The following CDKAL1 variants were observed in gnomAD, a reference collection of about 807,000 sequenced individuals.
CDKAL1 encodes CDKAL1 threonylcarbamoyladenosine tRNA methylthiotransferase, also known as threonylcarbamoyladenosine tRNA methylthiotransferase.
In CDKAL1, 32 loss-of-function variants were observed where a neutral mutation model predicts 68.2. That is an observed-to-expected ratio of 0.47 (90% CI 0.35 to 0.63). The LOEUF is 0.63. Among genes scored for constraint, CDKAL1 ranks in the 30% least tolerant of loss-of-function variants. The probability of loss-of-function intolerance (pLI) is 0.00; values close to 1 mark genes in which losing one functional copy is unlikely to be tolerated. For missense variants in CDKAL1, 606 were observed against 696.7 expected (o/e 0.87, Z 1.47); for synonymous variants, 234 against 244.3 (o/e 0.96, Z 0.39).
intron 10 of CDKAL1, among the ~76,000 whole-genome samples, chr6:20,962,184 C>A (rs1325938939): frequency 6.6e-6 from 1 of 152,186 alleles, no homozygotes; most frequent in Non-Finnish European, 1.5e-5. Context: ...AACATTGACA[C>A]TAACATTCAC....
intron 6 of CDKAL1, chr6:20,756,084 TC>T (rs1774157692): frequency 6.6e-6 from 1 of 152,216 alleles, no homozygotes; most frequent in South Asian, 2.1e-4. Flanking sequence ...CTTTTCTCAC[TC>T]TGACTTGTTC....
intron 5 of CDKAL1, among the ~76,000 whole-genome samples, chr6:20,721,244 G>A (rs913838714): frequency 1.3e-5 from 2 of 152,036 alleles, no homozygotes; most frequent in Admixed American, 6.6e-5. Context: ...AGTTTGCTAA[G>A]AATGATGGTT....
intron 11 of CDKAL1, among the ~76,000 whole-genome samples, chr6:21,028,052 G>T (rs1167962499): frequency 6.6e-6 from 1 of 152,134 alleles, no homozygotes; most frequent in Non-Finnish European, 1.5e-5. Context: ...AACAAGGCAG[G>T]TGGGCCTAGG....
chr6:20,616,823 C>T (rs914544254), intron 4 of CDKAL1, among the ~76,000 whole-genome samples: 6 of 132,080 alleles, frequency 4.5e-5, no homozygotes, highest in African/African-American at 1.7e-4. Flanking sequence ...GACAGCATGG[C>T]GAAACCCCGA....
chr6:20,654,457 G>A (rs1768932469), intron 5 of CDKAL1, among the ~76,000 whole-genome samples: 1 of 151,648 alleles, frequency 6.6e-6, no homozygotes, highest in African/African-American at 2.4e-5. Context: ...ATAAATTCTG[G>A]TTTAAAGTTT....
At chr6:21,090,745 A>T (rs1215714009) in intron 12 of CDKAL1, among the ~76,000 whole-genome samples, 1 of 151,874 alleles carries the variant, frequency 6.6e-6, no homozygotes, top group Non-Finnish European at 1.5e-5. Flanking sequence ...CATGAATGTC[A>T]TATGTGTATG....
chr6:20,669,508 C>T (rs1171678276), intron 5 of CDKAL1, among the ~76,000 whole-genome samples: 6 of 151,974 alleles, frequency 3.9e-5, no homozygotes, highest in African/African-American at 1.5e-4. Context: ...TTGTTGTTGT[C>T]GTTTGTTTTC....
chr6:20,538,551 C>G (rs1302180037), intron 2 of CDKAL1, among the ~76,000 whole-genome samples: 1 of 152,140 alleles, frequency 6.6e-6, no homozygotes, highest in Admixed American at 6.5e-5. Flanking sequence ...CCTTTCATTC[C>G]TCTTTTTCCT....
chr6:21,111,343 G>C (rs1277193502), intron 13 of CDKAL1, among the ~76,000 whole-genome samples: 1 of 152,104 alleles, frequency 6.6e-6, no homozygotes, highest in African/African-American at 2.4e-5. Context: ...ATTTCCTTCG[G>C]GTTTCATCCC....
chr6:21,102,358 C>G (rs1474737913), intron 12 of CDKAL1, among the ~76,000 whole-genome samples: 1 of 152,156 alleles, frequency 6.6e-6, no homozygotes, highest in Non-Finnish European at 1.5e-5. Flanking sequence ...GAACCCACCC[C>G]CGCAGGAAGT....
In CDKAL1 at chr6:20,979,154, C is replaced by T. The variant is rs539603668; in HGVS notation, c.910-21073C>T. Among the ~76,000 whole-genome samples, 16 of 152,208 alleles carry T rather than the reference C, an allele frequency of 1.1e-4. No homozygotes were observed. In the East Asian group the frequency reaches 2.5e-3, roughly 24 times the overall value. ...GTTGAGGTTTCCCTAGCGGCATATA[C>T]CAGGTCATTGAAAAAGTCAAAATGA... On this transcript the variant is annotated intron_variant, in intron 10 of 15. Transcript: ENST00000274695.
At chr6:20,962,777 T>C (rs936770322) in intron 10 of CDKAL1, among the ~76,000 whole-genome samples, 1 of 152,224 alleles carries the variant, frequency 6.6e-6, no homozygotes, top group Non-Finnish European at 1.5e-5. Context: ...AAAGACATGC[T>C]AGATTACTTA....
At chr6:20,882,949 C>T (rs1386673292) in intron 9 of CDKAL1, among the ~76,000 whole-genome samples, 1 of 152,080 alleles carries the variant, frequency 6.6e-6, no homozygotes, top group Non-Finnish European at 1.5e-5. Flanking sequence ...TTTTGATTTA[C>T]ATTTCATACT....
intron 8 of CDKAL1, among the ~76,000 whole-genome samples, chr6:20,816,704 A>G (rs891618204): frequency 6.6e-6 from 1 of 152,138 alleles, no homozygotes; most frequent in African/African-American, 2.4e-5. Flanking sequence ...TAAGAAAAAA[A>G]AAATAGTGGC....
chr6:20,552,250 G>A (rs1561919972), intron 4 of CDKAL1, among the ~76,000 whole-genome samples: 1 of 151,936 alleles, frequency 6.6e-6, no homozygotes, highest in African/African-American at 2.4e-5. Flanking sequence ...TTGAGAGGAT[G>A]AGGTGGCAGG....
At chr6:20,553,731 C>G (rs1167688473) in intron 4 of CDKAL1, among the ~76,000 whole-genome samples, 1 of 152,190 alleles carries the variant, frequency 6.6e-6, no homozygotes, top group Non-Finnish European at 1.5e-5. Context: ...CTGCCTCGGC[C>G]TCCGGAGTAG....
intron 7 of CDKAL1, among the ~76,000 whole-genome samples, chr6:20,772,093 G>A (rs1171646296): frequency 6.6e-6 from 1 of 152,176 alleles, no homozygotes; most frequent in Admixed American, 6.5e-5. Flanking sequence ...CTTGAGTGCT[G>A]TCTTTTGTAA....
At chr6:20,799,085 T>C (rs1247636919) in intron 8 of CDKAL1, among the ~76,000 whole-genome samples, 2 of 135,676 alleles carry the variant, frequency 1.5e-5, no homozygotes, top group African/African-American at 5.9e-5. Context: ...GGAGTTTTGC[T>C]CTTGTTGCTC....
chr6:20,573,759 G>A (rs554897769), intron 4 of CDKAL1, among the ~76,000 whole-genome samples: 14 of 152,240 alleles, frequency 9.2e-5, no homozygotes, highest in African/African-American at 3.4e-4. Context: ...ACTTTAGATT[G>A]GATTTGGAAG....
Sources: gnomAD v4.1 joint callset for allele counts (sites outside exome capture counted in the v4.1 genomes callset) on GRCh38, gnomAD v4.1.1 for gene constraint, MANE v1.5 for transcripts, NCBI Gene and HGNC (gene_info 2026-07-23, HGNC 2026-07-21) for gene names.